Variants in ITSN2 observed in about 807,000 individuals in gnomAD.
ITSN2 encodes intersectin 2.
In ITSN2, 156 loss-of-function variants were observed where a neutral mutation model predicts 243.7. The ratio of observed to expected loss-of-function variants is 0.64; its 90% CI spans 0.56 to 0.73. The LOEUF is 0.73. Among genes scored for constraint, ITSN2 ranks in the 30% least tolerant of loss-of-function variants. ITSN2 has a pLI of 0.00. For missense variants in ITSN2, 1,801 were observed against 1,996.1 expected, an observed-to-expected ratio of 0.90 and a Z score of 1.86; for synonymous variants, 703 against 699.9, an observed-to-expected ratio of 1.00 and a Z score of -0.07.
intron 32 of ITSN2, 32 bp downstream of exon 32, chr2:24,216,017 A>C: frequency 7.8e-6 from 12 of 1,530,896 alleles, no homozygotes; most frequent in Non-Finnish European, 8.0e-6. Context: ...CCTCAGAAGG[A>C]GCCTGACCCG....
intron 29 of ITSN2, among the ~76,000 whole-genome samples, chr2:24,230,054 C>T (rs748519621): frequency 6.6e-6 from 1 of 152,206 alleles, no homozygotes; most frequent in Non-Finnish European, 1.5e-5. Context: ...ATTTACACTC[C>T]AGCCTGAACA....
intron 30 of ITSN2, among the ~76,000 whole-genome samples, chr2:24,218,937 G>A (rs144075637): frequency 4.7e-4 from 71 of 152,304 alleles, no homozygotes; most frequent in African/African-American, 1.7e-3. Context: ...CACTGTCCGT[G>A]TGATAAGACA....
intron 29 of ITSN2, among the ~76,000 whole-genome samples, chr2:24,237,595 T>C (rs967359952): frequency 1.3e-5 from 2 of 152,142 alleles, no homozygotes; most frequent in Non-Finnish European, 2.9e-5. Context: ...CTCCTCTTCT[T>C]CCCCCAACTC....
At chr2:24,256,008 G>A (rs759156395) in intron 23 of ITSN2, among the ~76,000 whole-genome samples, 36 of 152,126 alleles carry the variant, frequency 2.4e-4, no homozygotes, top group Non-Finnish European at 4.6e-4. Context: ...AGCTGAGATC[G>A]GGCCATTGCA....
intron 30 of ITSN2, among the ~76,000 whole-genome samples, 153 bp from the exon 31 acceptor site, chr2:24,218,166 T>C (rs932251012): frequency 1.6e-4 from 24 of 152,258 alleles, no homozygotes; most frequent in Admixed American, 1.6e-3. Flanking sequence ...AGCATACTTA[T>C]GACACATTTT....
chr2:24,330,251 T>A (rs1255725722), intron 1 of ITSN2, among the ~76,000 whole-genome samples: 1 of 152,146 alleles, frequency 6.6e-6, no homozygotes, highest in Non-Finnish European at 1.5e-5. Flanking sequence ...GAACCATTTG[T>A]TCGTCATCAC....
At chr2:24,222,695 G>A (rs1670594800) in intron 29 of ITSN2, among the ~76,000 whole-genome samples, 1 of 96,546 alleles carries the variant, frequency 1.0e-5, no homozygotes, top group East Asian at 3.4e-4. Context: ...TTTTTTTGGA[G>A]ACAGAGTCTC....
chr2:24,322,714 G>A (rs1684722215), intron 2 of ITSN2, among the ~76,000 whole-genome samples: 1 of 152,108 alleles, frequency 6.6e-6, no homozygotes, highest in Non-Finnish European at 1.5e-5. Flanking sequence ...AAAATATTTT[G>A]ACAAACTGGA....
intron 1 of ITSN2, among the ~76,000 whole-genome samples, chr2:24,351,149 A>T (rs1326951340): frequency 6.6e-6 from 1 of 152,050 alleles, no homozygotes; most frequent in African/African-American, 2.4e-5. Flanking sequence ...CTCTCTTTGC[A>T]CCTGTGGAAC....
chr2:24,353,626 G>A (rs1688205085), intron 1 of ITSN2, among the ~76,000 whole-genome samples: 1 of 152,112 alleles, frequency 6.6e-6, no homozygotes, highest in East Asian at 1.9e-4. Flanking sequence ...AATACCCAGG[G>A]CTAGCAAAGG....
intron 1 of ITSN2, chr2:24,330,479 G>A (rs1685657821): frequency 3.0e-6 from 2 of 670,112 alleles, no homozygotes; most frequent in Admixed American, 3.6e-5. Context: ...GAAGACCCAT[G>A]AGGTTGTCTG....
At chr2:24,305,295 G>GT (rs1682353545) in intron 8 of ITSN2, among the ~76,000 whole-genome samples, 1 of 152,050 alleles carries the variant, frequency 6.6e-6, no homozygotes, top group African/African-American at 2.4e-5. Context: ...GAGAAGAGAA[G>GT]TAAAAAAGGG....
chr2:24,293,108 G>C (rs1001112377), intron 15 of ITSN2, among the ~76,000 whole-genome samples: 5 of 151,858 alleles, frequency 3.3e-5, no homozygotes, highest in Admixed American at 3.3e-4. Context: ...TTTCTCATTG[G>C]GACCTGAGCA....
At chr2:24,350,939 A>T (rs902454535) in intron 1 of ITSN2, among the ~76,000 whole-genome samples, 2 of 152,244 alleles carry the variant, frequency 1.3e-5, no homozygotes, top group Non-Finnish European at 2.9e-5. Context: ...TACTGGTTGC[A>T]CAAGTCTGTG....
chr2:24,335,409 T>C (rs545745336), intron 1 of ITSN2, among the ~76,000 whole-genome samples: 176 of 152,292 alleles, frequency 1.2e-3, no homozygotes, highest in African/African-American at 4.1e-3. Flanking sequence ...CTCAGCTCAC[T>C]GCAACCTCTG....
chr2:24,355,746 C>T (rs985556491), intron 1 of ITSN2, among the ~76,000 whole-genome samples: 5 of 152,176 alleles, frequency 3.3e-5, no homozygotes, highest in Non-Finnish European at 7.3e-5. Flanking sequence ...TCTAATTAAA[C>T]TAAAGAGCTT....
chr2:24,205,177 C>G (rs201487895), intron 38 of ITSN2, 37 bp downstream of exon 38: 1 of 1,554,478 alleles, frequency 6.4e-7, no homozygotes, highest in Non-Finnish European at 8.9e-7. Flanking sequence ...TGGGGCAGGG[C>G]AGTTATGTCT....
rs549592403 is a variant in ITSN2, at chr2:24,223,149, C to T, written c.3578-2083G>A. Among the ~76,000 whole-genome samples the T allele has an allele frequency of 3.3e-5, 5 of 152,230 alleles. No homozygotes were observed. In the South Asian group the frequency reaches 6.2e-4, roughly 19 times the overall value. ...GGAAGACCTTCTGTAGCTAAGGCAACCAAGAAGGGCAGCAGAGCGAAGGCG... is the reference window on the plus strand; with the variant it reads ...GGAAGACCTTCTGTAGCTAAGGCAATCAAGAAGGGCAGCAGAGCGAAGGCG... On this transcript the variant is annotated intron_variant, in intron 29 of 39. Coordinates refer to ENST00000355123, the MANE Select transcript of ITSN2 (RefSeq NM_006277.3).
At chr2:24,286,379 A>G (rs1402664794) in intron 15 of ITSN2, 28 bp from the exon 16 acceptor site, 11 of 1,606,376 alleles carry the variant, frequency 6.8e-6, no homozygotes, top group Non-Finnish European at 9.4e-6. Context: ...GACAGTTTAC[A>G]TTTTGCAGAA....
Sources: allele counts gnomAD v4.1 joint callset (sites outside exome capture counted in the v4.1 genomes callset), GRCh38; gene constraint gnomAD v4.1.1; transcripts MANE v1.5; gene names NCBI Gene and HGNC (gene_info 2026-07-23, HGNC 2026-07-21).